RLN2: variants seen among roughly 807,000 people sequenced by gnomAD.
RLN2 encodes relaxin 2.
RLN2 carries 10 observed loss-of-function variants against 7.3 expected under a neutral mutation model. The ratio of observed to expected loss-of-function variants is 1.36; its 90% CI spans 0.84 to 2.31. RLN2 has a LOEUF of 2.31. RLN2 is among the 30% of genes most tolerant of loss of function. The probability of loss-of-function intolerance (pLI) is 0.00; values close to 1 mark genes in which losing one functional copy is unlikely to be tolerated. For missense variants in RLN2, 298 were observed against 217.6 expected (o/e 1.37, Z -2.32); for synonymous variants, 103 against 82.3 (o/e 1.25, Z -1.36).
At chr9:5,332,075 G>A in the RLN2 span, among the ~76,000 whole-genome samples, 4 of 151,872 alleles carry the variant, frequency 2.6e-5, no homozygotes, top group Non-Finnish European at 5.9e-5. Context: ...AAAATTTAGT[G>A]TATACTCATA....
chr9:5,321,811 A>T, the RLN2 span, among the ~76,000 whole-genome samples: 1 of 152,066 alleles, frequency 6.6e-6, no homozygotes, highest in Non-Finnish European at 1.5e-5. Flanking sequence ...CAGGTCACTG[A>T]ACTTACAGAG....
the RLN2 span, among the ~76,000 whole-genome samples, chr9:5,335,905 A>G: frequency 2.6e-5 from 4 of 151,922 alleles, no homozygotes; most frequent in African/African-American, 7.3e-5. Flanking sequence ...CATCTTTCTG[A>G]AGTCATGTAA....
the RLN2 span, among the ~76,000 whole-genome samples, chr9:5,334,076 A>T: frequency 7.9e-5 from 12 of 152,092 alleles, no homozygotes; most frequent in African/African-American, 2.9e-4. Flanking sequence ...CTGAATGGGC[A>T]AAAGCTGGAA....
upstream of RLN2, among the ~76,000 whole-genome samples, chr9:5,306,535 T>C (rs576082315): frequency 6.6e-6 from 1 of 152,234 alleles, no homozygotes; most frequent in South Asian, 2.1e-4. Context: ...ATGCCAGATG[T>C]GGGCTTACCC....
At chr9:5,336,252 G>T in the RLN2 span, among the ~76,000 whole-genome samples, 2 of 152,036 alleles carry the variant, frequency 1.3e-5, no homozygotes, top group African/African-American at 4.8e-5. Context: ...TGGGTTAAAA[G>T]ATCACTAACC....
At chr9:5,334,621 C>T in the RLN2 span, among the ~76,000 whole-genome samples, 6 of 152,032 alleles carry the variant, frequency 3.9e-5, no homozygotes, top group East Asian at 5.8e-4. Context: ...TATGTCTATA[C>T]GTTTTTCTCC....
upstream of RLN2, among the ~76,000 whole-genome samples, chr9:5,305,221 C>G (rs1177512628): frequency 2.0e-5 from 3 of 151,856 alleles, no homozygotes; most frequent in East Asian, 5.8e-4. Context: ...TAGGCTTGTG[C>G]AGTAATGTCT....
chr9:5,306,905 C>T (rs1267688554), upstream of RLN2, among the ~76,000 whole-genome samples: 1 of 152,072 alleles, frequency 6.6e-6, no homozygotes, highest in Non-Finnish European at 1.5e-5. Context: ...CTATGTGACA[C>T]AGTTCTGTCT....
chr9:5,318,661 G>A, the RLN2 span, among the ~76,000 whole-genome samples: 1 of 151,728 alleles, frequency 6.6e-6, no homozygotes, highest in East Asian at 1.9e-4. Flanking sequence ...CTATTGATTG[G>A]TAAGAAAATG....
chr9:5,323,434 T>C, the RLN2 span, among the ~76,000 whole-genome samples: 1 of 152,006 alleles, frequency 6.6e-6, no homozygotes, highest in Non-Finnish European at 1.5e-5. Context: ...TCATCATTAT[T>C]TCATCTTATA....
the RLN2 span, among the ~76,000 whole-genome samples, chr9:5,331,000 G>T: frequency 6.6e-6 from 1 of 151,938 alleles, no homozygotes; most frequent in Non-Finnish European, 1.5e-5. Context: ...AAATCTAGAA[G>T]AAATGGATAA....
the RLN2 span, among the ~76,000 whole-genome samples, chr9:5,317,306 C>T: frequency 7.9e-5 from 12 of 151,646 alleles, no homozygotes; most frequent in Non-Finnish European, 1.5e-5. Flanking sequence ...CAACTACGTG[C>T]AGCTTACACA....
At chr9:5,310,112 G>A in the RLN2 span, among the ~76,000 whole-genome samples, 1 of 151,906 alleles carries the variant, frequency 6.6e-6, no homozygotes, top group Non-Finnish European at 1.5e-5. Context: ...GGAAGCAGGA[G>A]GAATATCTGT....
chr9:5,323,510 C>G, the RLN2 span, among the ~76,000 whole-genome samples: 2 of 151,652 alleles, frequency 1.3e-5, no homozygotes, highest in South Asian at 2.1e-4. Flanking sequence ...GATTTTTTCC[C>G]TTTTCTTTAG....
upstream of RLN2, among the ~76,000 whole-genome samples, chr9:5,307,437 C>CT: frequency 6.6e-6 from 1 of 151,902 alleles, no homozygotes; most frequent in Admixed American, 6.6e-5. Context: ...ATTAGATAGT[C>CT]TAAGGATTGA....
At chr9:5,323,833 G>A in the RLN2 span, among the ~76,000 whole-genome samples, 19 of 151,896 alleles carry the variant, frequency 1.3e-4, no homozygotes, top group Admixed American at 1.1e-3. Context: ...ATTCACTTGA[G>A]GTCAGGAGTT....
chr9:5,327,103 C>T, the RLN2 span, among the ~76,000 whole-genome samples: 4 of 151,952 alleles, frequency 2.6e-5, no homozygotes, highest in South Asian at 2.1e-4. Flanking sequence ...TCACCTCACC[C>T]GGGAAATGCA....
the RLN2 span, among the ~76,000 whole-genome samples, chr9:5,320,372 T>A: frequency 6.6e-6 from 1 of 151,914 alleles, no homozygotes; most frequent in Non-Finnish European, 1.5e-5. Context: ...ACAAAATTAT[T>A]TATTTTTTAA....
chr9:5,335,175 C>T, the RLN2 span: 1 of 802,748 alleles, frequency 1.2e-6, no homozygotes, highest in Non-Finnish European at 1.9e-6. Flanking sequence ...ATTAGTGGGA[C>T]CTGACAGAAG....
Sources: gnomAD v4.1 joint callset for allele counts (sites outside exome capture counted in the v4.1 genomes callset) on GRCh38, gnomAD v4.1.1 for gene constraint, MANE v1.5 for transcripts, NCBI Gene and HGNC (gene_info 2026-07-23, HGNC 2026-07-21) for gene names.